RANBP2: variants seen among roughly 807,000 people sequenced by gnomAD.
The protein encoded by RANBP2 is E3 SUMO-protein ligase RanBP2.
A neutral mutation model predicts 303.6 loss-of-function variants in RANBP2; 57 were observed. The ratio of observed to expected loss-of-function variants is 0.19; its 90% CI spans 0.15 to 0.23. RANBP2 has a LOEUF of 0.23. RANBP2 is among the 10% of genes least tolerant of loss of function. RANBP2 has a pLI of 1.00. For synonymous variants in RANBP2, 1,167 were observed against 1,301.5 expected (o/e 0.90, Z 2.23); for missense variants, 3,138 against 3,780.8 (o/e 0.83, Z 4.46).
chr2:109,691,490 C>G, the RANBP2 span, among the ~76,000 whole-genome samples: 1 of 152,124 alleles, frequency 6.6e-6, no homozygotes, highest in African/African-American at 2.4e-5. Flanking sequence ...ACTCCCAGGA[C>G]TACCCTGCAC....
At chr2:109,729,077 G>A in the RANBP2 span, among the ~76,000 whole-genome samples, 1 of 152,170 alleles carries the variant, frequency 6.6e-6, no homozygotes, top group African/African-American at 2.4e-5. Context: ...TCTGCCATGT[G>A]AAGATAGCTG....
At chr2:109,031,106 GC>G in the RANBP2 span, among the ~76,000 whole-genome samples, 1 of 152,108 alleles carries the variant, frequency 6.6e-6, no homozygotes, top group South Asian at 2.1e-4. Flanking sequence ...TTGTGATTGG[GC>G]AATGGTAAGA....
chr2:109,132,069 T>C, the RANBP2 span, among the ~76,000 whole-genome samples: 4 of 152,238 alleles, frequency 2.6e-5, no homozygotes, highest in African/African-American at 4.8e-5. Context: ...GGTACTTTAC[T>C]GTCCATTGGA....
the RANBP2 span, among the ~76,000 whole-genome samples, chr2:108,942,106 A>C: frequency 1.3e-5 from 2 of 152,238 alleles, no homozygotes; most frequent in African/African-American, 2.4e-5. Flanking sequence ...TGCTGGGGGC[A>C]GAGGCCCCAT....
At chr2:108,723,124 C>T (rs1364327734) in intron 1 of RANBP2, among the ~76,000 whole-genome samples, 1 of 152,094 alleles carries the variant, frequency 6.6e-6, no homozygotes, top group Admixed American at 6.6e-5. Context: ...GATCCACCTA[C>T]CTCTGTTTCC....
chr2:109,142,409 C>G, the RANBP2 span, among the ~76,000 whole-genome samples: 4 of 152,252 alleles, frequency 2.6e-5, no homozygotes, highest in African/African-American at 9.6e-5. Flanking sequence ...GTTAGCTCCA[C>G]AAACTTGGAA....
At chr2:109,142,382 C>T in the RANBP2 span, among the ~76,000 whole-genome samples, 3 of 152,208 alleles carry the variant, frequency 2.0e-5, no homozygotes, top group South Asian at 6.2e-4. Flanking sequence ...TAATAGGACC[C>T]CAAAGCACCC....
intron 1 of RANBP2, among the ~76,000 whole-genome samples, chr2:108,720,472 A>G (rs1008320857): frequency 6.6e-5 from 10 of 152,158 alleles, no homozygotes; most frequent in Non-Finnish European, 1.2e-4. Context: ...AATGTGATCT[A>G]TTTTGGATTC....
chr2:109,433,244 C>T, the RANBP2 span, among the ~76,000 whole-genome samples: 2 of 152,242 alleles, frequency 1.3e-5, no homozygotes, highest in Non-Finnish European at 2.9e-5. Context: ...ATATGTAAAA[C>T]ACTATATACA....
At chr2:109,725,891 C>T in the RANBP2 span, among the ~76,000 whole-genome samples, 1 of 151,886 alleles carries the variant, frequency 6.6e-6, no homozygotes, top group South Asian at 2.1e-4. Context: ...TGCCACCACA[C>T]CTGGCTAATT....
chr2:109,544,265 A>C, the RANBP2 span: 1 of 1,613,102 alleles, frequency 6.2e-7, no homozygotes, highest in Non-Finnish European at 8.5e-7. Context: ...TTTTTAATAA[A>C]GTTTGCTTGT....
the RANBP2 span, among the ~76,000 whole-genome samples, chr2:109,121,893 G>C: frequency 1.3e-5 from 2 of 152,232 alleles, no homozygotes; most frequent in African/African-American, 4.8e-5. Context: ...TTCTCCTCCT[G>C]CTACCTCTGG....
the RANBP2 span, among the ~76,000 whole-genome samples, chr2:109,349,475 C>T: frequency 2.9e-4 from 44 of 152,276 alleles, no homozygotes; most frequent in Admixed American, 5.2e-4. Context: ...CACAGAAACC[C>T]AACTTGCTTC....
chr2:108,863,019 A>G, the RANBP2 span, among the ~76,000 whole-genome samples: 7 of 152,214 alleles, frequency 4.6e-5, no homozygotes, highest in Non-Finnish European at 1.0e-4. Flanking sequence ...AACTTGTTCT[A>G]CACATCTAGA....
chr2:109,201,096 C>T, the RANBP2 span, among the ~76,000 whole-genome samples: 1,346 of 152,322 alleles, frequency 8.8e-3, 17 homozygotes, highest in African/African-American at 0.031. Context: ...CAGTTCTCTC[C>T]CCTGTCCCTC....
the RANBP2 span, among the ~76,000 whole-genome samples, chr2:109,436,729 G>A: frequency 6.6e-6 from 1 of 152,314 alleles, no homozygotes; most frequent in African/African-American, 2.4e-5. Context: ...TTGTAAACAG[G>A]GCCCTTCTGC....
the RANBP2 span, among the ~76,000 whole-genome samples, chr2:109,424,076 G>C: frequency 6.6e-6 from 1 of 152,184 alleles, no homozygotes; most frequent in South Asian, 2.1e-4. Flanking sequence ...CACCGGTACC[G>C]GCATTGTCTA....
At chr2:109,395,449 G>C in the RANBP2 span, among the ~76,000 whole-genome samples, 1 of 152,200 alleles carries the variant, frequency 6.6e-6, no homozygotes, top group African/African-American at 2.4e-5. Flanking sequence ...CTGCTGCAGG[G>C]ATGCTGGGGA....
chr2:109,643,612 A>G, the RANBP2 span, among the ~76,000 whole-genome samples: 2 of 151,358 alleles, frequency 1.3e-5, no homozygotes, highest in African/African-American at 2.4e-5. Context: ...ATACAAAAAA[A>G]AAATTAGCCA....
Sources: gnomAD v4.1 joint callset for allele counts (sites outside exome capture counted in the v4.1 genomes callset) on GRCh38, gnomAD v4.1.1 for gene constraint, MANE v1.5 for transcripts, NCBI Gene and HGNC (gene_info 2026-07-23, HGNC 2026-07-21) for gene names.